The following DIS3 variants were observed in gnomAD, a reference collection of about 807,000 sequenced individuals.
DIS3 encodes the protein exosome complex exonuclease RRP44.
In DIS3, 103 loss-of-function variants were observed where a neutral mutation model predicts 113.0. The ratio of observed to expected loss-of-function variants is 0.91; its 90% CI spans 0.78 to 1.07. The LOEUF (loss-of-function observed/expected upper bound fraction) is 1.07, where lower values mean the gene tolerates loss of function less well. DIS3 is among the 50% of genes least tolerant of loss of function. DIS3 has a pLI of 0.00. For synonymous variants in DIS3, 402 were observed against 394.3 expected (o/e 1.02, Z -0.23); for missense variants, 1,121 against 1,167.1 (o/e 0.96, Z 0.58).
chr13:72,765,739 TCAAAG>T (rs1302617510), intron 15 of DIS3, among the ~76,000 whole-genome samples: 4 of 152,148 alleles, frequency 2.6e-5, no homozygotes, highest in African/African-American at 9.7e-5. Flanking sequence ...ACATCACACA[TCAAAG>T]CAAACAAATT....
intron 1 of DIS3, 153 bp from the exon 2 acceptor site, chr13:72,781,156 C>A: frequency 7.3e-7 from 1 of 1,362,226 alleles, no homozygotes; most frequent in Non-Finnish European, 1.0e-6. Flanking sequence ...GAAAACGAGA[C>A]AATAGTCACT....
rs1279852241 is a variant in DIS3 at position 72,758,284 on chromosome 13, G to T, written c.*1511C>A. On this transcript the variant is annotated 3_prime_UTR_variant, in exon 21 of 21. Coordinates refer to ENST00000377767, the MANE Select transcript of DIS3 (RefSeq NM_014953.5). ...CATAGGGTATACCATCTAGGTTTGT[G>T]TAACTACATCATGATTTTCACACAA... 5.5e-6 allele frequency: 1 copy of T among 182,002 alleles called. No individual in the cohort carries two copies. Among genetic ancestry groups the T allele is most frequent in the Non-Finnish European group, 1.2e-5 (1 of 85,248 alleles). The allele number at this position is 182,002 out of a possible 1,614,324, so 11.3% of individuals were successfully genotyped here. A position where few individuals can be genotyped will look rare whatever the true frequency, so the allele number is the denominator to read the frequency against.
At chr13:72,780,263 T>C (rs1486184413) in intron 2 of DIS3, among the ~76,000 whole-genome samples, 1 of 138,762 alleles carries the variant, frequency 7.2e-6, no homozygotes, top group Non-Finnish European at 1.5e-5. Flanking sequence ...GAGGTGGAGG[T>C]TGCAGTGAGC....
intron 18 of DIS3, 46 bp downstream of exon 18, chr13:72,761,600 G>A (rs747735885): frequency 2.6e-6 from 4 of 1,537,882 alleles, no homozygotes; most frequent in Non-Finnish European, 3.5e-6. Flanking sequence ...AATTAAAAAT[G>A]AACAAAACTT....
chr13:72,769,110 C>T (rs1246688438), intron 13 of DIS3, among the ~76,000 whole-genome samples, 198 bp from the exon 14 acceptor site: 2 of 152,122 alleles, frequency 1.3e-5, no homozygotes, highest in Admixed American at 1.3e-4. Flanking sequence ...AGGCATTATA[C>T]AACATAAACA....
chr13:72,771,766 T>C, intron 11 of DIS3, 29 bp downstream of exon 11: 1 of 1,602,452 alleles, frequency 6.2e-7, no homozygotes, highest in Non-Finnish European at 8.5e-7. Context: ...TGTCCATGAC[T>C]GTTAAATTTT....
At chr13:72,776,822 C>T (rs2034028130) in intron 4 of DIS3, among the ~76,000 whole-genome samples, 1 of 152,124 alleles carries the variant, frequency 6.6e-6, no homozygotes, top group Non-Finnish European at 1.5e-5. Flanking sequence ...CTAATCTTTC[C>T]TGGATAAAAT....
chr13:72,769,234 GTAGGT>G (rs989618915), intron 13 of DIS3, among the ~76,000 whole-genome samples: 1 of 152,100 alleles, frequency 6.6e-6, no homozygotes, highest in African/African-American at 2.4e-5. Context: ...AAACACAAAG[GTAGGT>G]TAGATCGATT....
At chr13:72,772,658 A>G (rs1216211921) in intron 9 of DIS3, 35 bp downstream of exon 9, 3 of 1,573,828 alleles carry the variant, frequency 1.9e-6, no homozygotes, top group Non-Finnish European at 2.6e-6. Flanking sequence ...GGATATAATA[A>G]TTTATAAAGT....
chr13:72,772,911 A>G (rs1008185627), intron 8 of DIS3, 72 bp from the exon 9 acceptor site: 20 of 1,464,934 alleles, frequency 1.4e-5, no homozygotes, highest in Non-Finnish European at 1.8e-5. Flanking sequence ...TAAATTCTTC[A>G]GCATTTACAT....
chr13:72,770,106 TA>T (rs1035261664), intron 13 of DIS3, among the ~76,000 whole-genome samples: 3 of 152,176 alleles, frequency 2.0e-5, no homozygotes, highest in Non-Finnish European at 2.9e-5. Flanking sequence ...TGCTGACTTT[TA>T]AAACACTAAC....
rs1417792348 is a variant in DIS3, at chr13:72,773,982, T to C, written c.1065A>G (p.Pro355=). ...CAGACTTGGAAAGCATGCCACAATA[T>C]GGTCTCCAATTCCTTTTTATTATTC... ...VVGIIKRNWR[P]YCGMLSKSDI... is the part of the protein sequence containing the mutation. Residue 355 remains proline (P), a synonymous_variant, in exon 7 of 21, where the codon CCA becomes CCG. Transcript: ENST00000377767. 1 of 1,612,190 alleles carries C rather than the reference T, an allele frequency of 6.2e-7. No individual in the cohort carries two copies. Among genetic ancestry groups the C allele is most frequent in the East Asian group, 2.2e-5 (1 of 44,826 alleles).
At position 72,758,914 on chromosome 13, in the gene DIS3, CTG is replaced by C. The variant is rs932071135; in HGVS notation, c.*879_*880del. The C allele has an allele frequency of 5.5e-6, 1 of 181,234 alleles. No homozygotes were observed. The allele number at this position is 181,234 out of a possible 1,614,324, so 11.2% of individuals were successfully genotyped here. On this transcript the variant is annotated 3_prime_UTR_variant, in exon 21 of 21. Coordinates refer to ENST00000377767, the MANE Select transcript of DIS3 (RefSeq NM_014953.5). ...ATATTAATTTAATCATTACTAATCT[CTG>C]TGATTAGCAAGGGAAGTAGTCAGTC...
intron 15 of DIS3, among the ~76,000 whole-genome samples, chr13:72,764,196 C>T (rs958132447): frequency 6.6e-6 from 1 of 151,960 alleles, no homozygotes; most frequent in Non-Finnish European, 1.5e-5. Flanking sequence ...AGCTTTACTA[C>T]TCTATTTATA....
chr13:72,772,413 T>G, intron 9 of DIS3, 138 bp from the exon 10 acceptor site: 2 of 732,472 alleles, frequency 2.7e-6, no homozygotes, highest in Non-Finnish European at 4.3e-6. Context: ...CATTTCTTTT[T>G]CCTGCACTGG....
Position 72,777,406 on chromosome 13 carries a change from A to G in DIS3, c.654+14T>C. ...TTAATATTTTTACTTTTCAAAAACAAAACAAAAACATACCCCTTCTTCAGA... is the reference window on the plus strand; with the variant it reads ...TTAATATTTTTACTTTTCAAAAACAGAACAAAAACATACCCCTTCTTCAGA... On this transcript the variant is annotated intron_variant, in intron 4 of 20. Coordinates refer to ENST00000377767, the MANE Select transcript of DIS3 (RefSeq NM_014953.5). 6.2e-7 allele frequency: 1 copy of G among 1,613,466 alleles called. No individual in the cohort carries two copies. Among genetic ancestry groups the G allele is most frequent in the Non-Finnish European group, 8.5e-7 (1 of 1,179,660 alleles).
At chr13:72,780,151 C>A (rs1457462750) in intron 2 of DIS3, among the ~76,000 whole-genome samples, 1 of 151,518 alleles carries the variant, frequency 6.6e-6, no homozygotes, top group Non-Finnish European at 1.5e-5. Flanking sequence ...CATGGTGAAA[C>A]CCTGTCTCTA....
chr13:72,763,996 A>G (rs1039273360), intron 15 of DIS3, among the ~76,000 whole-genome samples: 1 of 152,032 alleles, frequency 6.6e-6, no homozygotes, highest in Non-Finnish European at 1.5e-5. Context: ...CTAAAAATAT[A>G]AAAAAATTAG....
chr13:72,778,055 A>T (rs1425229797), intron 3 of DIS3, 132 bp downstream of exon 3: 1 of 868,466 alleles, frequency 1.2e-6, no homozygotes, highest in East Asian at 2.7e-5. Flanking sequence ...TTAAAAATAC[A>T]AAAATATCAC....
Sources: allele counts gnomAD v4.1 joint callset (sites outside exome capture counted in the v4.1 genomes callset), GRCh38; gene constraint gnomAD v4.1.1; transcripts MANE v1.5; gene names NCBI Gene and HGNC (gene_info 2026-07-23, HGNC 2026-07-21).